The following RBFOX1 variants were observed in gnomAD, a reference collection of about 807,000 sequenced individuals.
The protein encoded by RBFOX1 is RNA binding fox-1 homolog 1, also known as RNA binding protein fox-1 homolog 1.
Under a neutral mutation model 57.7 loss-of-function variants are expected in RBFOX1, and 8 were observed. The observed-to-expected ratio is 0.14, with a 90% CI of 0.08 to 0.25. The LOEUF is 0.25. Ranked by LOEUF, RBFOX1 falls within the 10% of genes least tolerant of loss-of-function variation. The pLI is 1.00. For missense variants in RBFOX1, 611 were observed against 548.5 expected (o/e 1.11, Z -1.14); for synonymous variants, 326 against 222.4 (o/e 1.47, Z -4.15).
intron 4 of RBFOX1, among the ~76,000 whole-genome samples, chr16:7,335,187 G>T (rs1318253507): frequency 6.6e-6 from 1 of 152,204 alleles, no homozygotes; most frequent in Non-Finnish European, 1.5e-5. Flanking sequence ...GCTCTGAGCC[G>T]ATGTTTCTGC....
chr16:6,825,874 C>T (rs79062980), intron 3 of RBFOX1, among the ~76,000 whole-genome samples: 1 of 152,172 alleles, frequency 6.6e-6, no homozygotes, highest in Non-Finnish European at 1.5e-5. Flanking sequence ...GGGGAGCCTT[C>T]TGATGTAGGT....
chr16:6,073,386 G>C (rs960248739), intron 1 of RBFOX1, among the ~76,000 whole-genome samples: 1 of 152,126 alleles, frequency 6.6e-6, no homozygotes, highest in Admixed American at 6.5e-5. Context: ...AGACACTGTA[G>C]GTACTTCTAT....
intron 1 of RBFOX1, among the ~76,000 whole-genome samples, chr16:6,154,552 T>A (rs1210827228): frequency 6.6e-6 from 1 of 152,180 alleles, no homozygotes; most frequent in Non-Finnish European, 1.5e-5. Flanking sequence ...CCAGCGGTGA[T>A]GAGGATGACA....
chr16:7,479,647 C>G (rs1460549607), intron 4 of RBFOX1, among the ~76,000 whole-genome samples: 1 of 152,150 alleles, frequency 6.6e-6, no homozygotes, highest in Non-Finnish European at 1.5e-5. Flanking sequence ...GCTTCTTCTG[C>G]TTTTGTTCCA....
chr16:5,936,518 A>G (rs1027266876), intron 4 of RBFOX1, among the ~76,000 whole-genome samples: 2 of 152,198 alleles, frequency 1.3e-5, no homozygotes, highest in African/African-American at 4.8e-5. Flanking sequence ...AGAATGACCA[A>G]GTTCCTCTGC....
chr16:5,530,221 C>G (rs1032809613), intron 2 of RBFOX1, among the ~76,000 whole-genome samples: 1 of 152,228 alleles, frequency 6.6e-6, no homozygotes, highest in Non-Finnish European at 1.5e-5. Context: ...TACAGCAAGA[C>G]AACATCCTGA....
intron 4 of RBFOX1, among the ~76,000 whole-genome samples, chr16:7,458,510 T>C (rs901019717): frequency 2.0e-5 from 3 of 152,222 alleles, no homozygotes; most frequent in African/African-American, 7.2e-5. Context: ...TATTTTACTG[T>C]TGCTTATTTT....
chr16:5,684,594 T>G (rs1236098552), intron 3 of RBFOX1, among the ~76,000 whole-genome samples: 1 of 152,184 alleles, frequency 6.6e-6, no homozygotes, highest in Non-Finnish European at 1.5e-5. Context: ...GTTTATAAAA[T>G]GACCCCACGG....
intron 12 of RBFOX1, among the ~76,000 whole-genome samples, chr16:7,661,402 A>G (rs1226808701): frequency 6.6e-6 from 1 of 152,084 alleles, no homozygotes; most frequent in African/African-American, 2.4e-5. Flanking sequence ...TCTTCCAGCC[A>G]TAGGTCTTGC....
chr16:5,450,994 A>C (rs1342115069), intron 1 of RBFOX1, among the ~76,000 whole-genome samples: 2 of 152,182 alleles, frequency 1.3e-5, no homozygotes, highest in Non-Finnish European at 2.9e-5. Context: ...TGTCAGCATG[A>C]CTGTGATGAT....
intron 1 of RBFOX1, among the ~76,000 whole-genome samples, chr16:5,278,199 T>C (rs926658965): frequency 1.2e-4 from 19 of 152,236 alleles, no homozygotes; most frequent in African/African-American, 4.6e-4. Flanking sequence ...ATAGCCATTC[T>C]AACAAGTGTG....
intron 4 of RBFOX1, among the ~76,000 whole-genome samples, chr16:7,067,883 G>T (rs1270554507): frequency 1.3e-5 from 2 of 151,390 alleles, no homozygotes; most frequent in Non-Finnish European, 2.9e-5. Context: ...TTTTATGGCT[G>T]CATAGTATTC....
At chr16:5,744,701 C>T (rs934258352) in intron 3 of RBFOX1, among the ~76,000 whole-genome samples, 1 of 152,172 alleles carries the variant, frequency 6.6e-6, no homozygotes, top group Non-Finnish European at 1.5e-5. Flanking sequence ...CTGAATCAGC[C>T]TTGGAAAATG....
chr16:6,767,734 T>C lies in RBFOX1; in HGVS notation c.-16+113084T>C, dbSNP rs1339512195. On this transcript the variant is annotated intron_variant, in intron 3 of 15. Transcript: ENST00000550418. The stretch of plus-strand genomic sequence containing the variant: ...TTCGAGAGCAGCCTGGCCAATATGG[T>C]GAAACCCCATCTCTACTAAAAATAC... Among the ~76,000 whole-genome samples the C allele has an allele frequency of 4.0e-5, 6 of 151,412 alleles. No homozygotes were observed. In the East Asian group the frequency reaches 9.8e-4, roughly 25 times the overall value.
At chr16:6,556,252 A>G (rs1192316926) in intron 2 of RBFOX1, among the ~76,000 whole-genome samples, 1 of 152,196 alleles carries the variant, frequency 6.6e-6, no homozygotes, top group Non-Finnish European at 1.5e-5. Flanking sequence ...CGGATCCTGC[A>G]TGTGTACAAA....
chr16:7,294,230 AC>A (rs1216077170), intron 4 of RBFOX1, among the ~76,000 whole-genome samples: 3 of 151,896 alleles, frequency 2.0e-5, no homozygotes, highest in Non-Finnish European at 4.4e-5. Context: ...TCTGCCGCCT[AC>A]CCTTCCTTGT....
At chr16:7,606,621 A>C (rs971453401) in intron 9 of RBFOX1, among the ~76,000 whole-genome samples, 4 of 152,332 alleles carry the variant, frequency 2.6e-5, no homozygotes, top group African/African-American at 9.6e-5. Context: ...TTTTACAAAA[A>C]ACTCTCCATC....
At chr16:6,563,972 T>A (rs1338735913) in intron 2 of RBFOX1, among the ~76,000 whole-genome samples, 2 of 151,884 alleles carry the variant, frequency 1.3e-5, no homozygotes, top group East Asian at 1.9e-4. Context: ...TTCTTCAACA[T>A]GAGATTTGGA....
At chr16:5,823,653 C>T (rs117839255) in intron 3 of RBFOX1, among the ~76,000 whole-genome samples, 1,820 of 152,222 alleles carry the variant, frequency 0.012, 20 homozygotes, top group Non-Finnish European at 0.019. Flanking sequence ...CCAGTCAGGT[C>T]AGTGGCAGCA....
Sources: allele counts gnomAD v4.1 joint callset (sites outside exome capture counted in the v4.1 genomes callset), GRCh38; gene constraint gnomAD v4.1.1; transcripts MANE v1.5; gene names NCBI Gene and HGNC (gene_info 2026-07-23, HGNC 2026-07-21).